RPUSD1: variants seen among roughly 807,000 people sequenced by gnomAD.
RPUSD1 encodes pseudouridylate synthase RPUSD1.
A neutral mutation model predicts 22.4 loss-of-function variants in RPUSD1; 28 were observed. That is an observed-to-expected ratio of 1.25 (90% confidence interval 0.93 to 1.72). The LOEUF is 1.72. Among genes scored for constraint, RPUSD1 ranks in the 40% most tolerant of loss-of-function variants. The pLI is 0.00. For missense variants in RPUSD1, 596 were observed against 442.2 expected (o/e 1.35, Z -3.12); for synonymous variants, 298 against 201.0 (o/e 1.48, Z -4.08).
rs1277638568 is a variant in RPUSD1, at chr16:786,929, C to G, written c.410-1G>C. ...AGGCTTGGCTTTGGGTTCTCACAAC[C>G]TGGGGCGCAGAAGGCAGGTGTGAGG... is the stretch of plus-strand genomic sequence containing the variant. On this transcript the variant is annotated splice_acceptor_variant, in intron 4 of 5. Coordinates refer to ENST00000007264, the MANE Select transcript of RPUSD1 (RefSeq NM_058192.3). LOFTEE classifies it high-confidence loss of function. 1.9e-6 allele frequency: 3 copies of G among 1,612,518 alleles called. No individual in the cohort carries two copies. In the East Asian group the frequency reaches 6.7e-5, roughly 36 times the overall value.
At chr16:787,991 A>C in intron 1 of RPUSD1, 1 of 575,490 alleles carries the variant, frequency 1.7e-6, no homozygotes, top group East Asian at 3.0e-5. Context: ...CTGGAGAAAG[A>C]GCCCGTTCCA....
rs781028754 is a variant in RPUSD1 at position 785,750 on chromosome 16, C to A, written c.*200G>T. On this transcript the variant is annotated 3_prime_UTR_variant, in exon 6 of 6. Transcript: ENST00000007264. ...ATCAGTCCCACGGCCGCGGTGCGGT[C>A]GTCACCTGTGATCACGGCTGCCTGG... The A allele has an allele frequency of 2.3e-6, 1 of 437,290 alleles. No individual in the cohort carries two copies. The highest frequency in any genetic ancestry group is 3.8e-6 in the Non-Finnish European group (1 of 260,782). 27.1% of individuals were successfully genotyped at this position (437,290 alleles called of 1,614,324 possible).
At chr16:786,472 G>T in intron 5 of RPUSD1, 95 bp from the exon 6 acceptor site, 1 of 1,295,904 alleles carries the variant, frequency 7.7e-7, no homozygotes, top group Non-Finnish European at 1.1e-6. Context: ...TGACCCCGCT[G>T]CAGTCTTGAA....
In RPUSD1 at chr16:786,901, G is replaced by A; in HGVS notation, c.437C>T (p.Thr146Ile). The change falls in exon 5 of 6, where the codon ACA becomes ATA. Residue 146 changes from threonine (T) to isoleucine (I), a missense_variant. Physicochemically the swap from Thr to Ile is moderately conservative, Grantham distance 89. Transcript: ENST00000007264. ...CCCGTGTTCCAGAACCACGAGATCT[G>A]TGAGGCTTGGCTTTGGGTTCTCACA... ...QGCENPKPSL[T>I]DLVVLEHGLY... The A allele has an allele frequency of 1.2e-6, 2 of 1,613,342 alleles. No individual in the cohort carries two copies. Among genetic ancestry groups the A allele is most frequent in the Non-Finnish European group, 1.7e-6 (2 of 1,179,932 alleles).
Position 787,081 on chromosome 16 carries a change from C to A in RPUSD1, c.405G>T (p.Ser135=), listed in dbSNP as rs111912422. 1.9e-6 allele frequency: 3 copies of A among 1,604,526 alleles called. No individual in the cohort carries two copies. Among genetic ancestry groups the A allele is most frequent in the Middle Eastern group, 1.7e-4 (1 of 6,050 alleles). Residue 135 remains serine (S), a synonymous_variant, in exon 4 of 6, where the codon TCG becomes TCT. Transcript: ENST00000007264. The stretch of plus-strand genomic sequence containing the variant: ...GTGGGTCCCTGCCTGCCACACCCTG[C>A]GAGCCCTCGATGCACATGGTGTGGG... ...GRAHTMCIEG[S]QGCENPKPSL... is the part of the protein sequence containing the mutation.
At chr16:786,409 G>A (rs370278560) in intron 5 of RPUSD1, 32 bp from the exon 6 acceptor site, 6 of 1,582,580 alleles carry the variant, frequency 3.8e-6, no homozygotes, top group South Asian at 3.4e-5. Flanking sequence ...GGATCAAGCT[G>A]GGAGCGGGGC....
In RPUSD1 at chr16:785,967, G is replaced by C. The variant is rs1167642387; in HGVS notation, c.922C>G (p.Leu308Val). The change falls in exon 6 of 6, where the codon CTG (leucine) becomes GTG (valine). Residue 308 changes from leucine to valine, a missense_variant. Coordinates refer to ENST00000007264, the MANE Select transcript of RPUSD1 (RefSeq NM_058192.3). The part of the protein sequence containing the change: ...PCLQWLSEWT[L>V]EPDS The stretch of plus-strand genomic sequence containing the variant: ...CACGGCTCTCAGCTGTCCGGTTCCA[G>C]CGTCCACTCCGACAGCCACTGCAGG... 6.9e-7 allele frequency: 1 copy of C among 1,441,340 alleles called. No homozygotes were observed. The highest frequency in any genetic ancestry group is 2.5e-5 in the East Asian group (1 of 40,052). The allele number at this position is 1,441,340 out of a possible 1,614,324, so 89.3% of individuals were successfully genotyped here. A position where few individuals can be genotyped will look rare whatever the true frequency, so the allele number is the denominator to read the frequency against.
Position 787,122 on chromosome 16 carries a change from T to C in RPUSD1, c.364A>G (p.Ser122Gly), listed in dbSNP as rs749222760. The C allele has an allele frequency of 5.7e-5, 91 of 1,607,898 alleles. No homozygotes were observed. The highest frequency in any genetic ancestry group is 7.5e-5 in the Non-Finnish European group (89 of 1,179,244). ...ATGGTGTGGGCCCGGCCCTCCGTGC[T>C]GTTCCTGCCAATGGCATGGCTGATG... ...VTISHAIGRNSTEGRAHTMCI... is the reference protein window; with the variant it reads ...VTISHAIGRNGTEGRAHTMCI... The change falls in exon 4 of 6, where the codon AGC becomes GGC. Residue 122 changes from serine (S) to glycine (G), a missense_variant. Coordinates refer to ENST00000007264, the MANE Select transcript of RPUSD1 (RefSeq NM_058192.3).
chr16:788,093 AG>A, intron 1 of RPUSD1, 162 bp downstream of exon 1: 1 of 482,554 alleles, frequency 2.1e-6, no homozygotes, highest in Non-Finnish European at 3.9e-6. Flanking sequence ...GAGGGGCTGC[AG>A]CACTACCAGG....
In RPUSD1 at chr16:787,264, A is replaced by G. The variant is rs571534726; in HGVS notation, c.307-85T>C. Reference sequence around the variant, plus strand: ...CACCTAACACCAAGCAACCACGTAGAGCGTGGTGGGAGGCTCTGAGCCAGG... The same window carrying G: ...CACCTAACACCAAGCAACCACGTAGGGCGTGGTGGGAGGCTCTGAGCCAGG... On this transcript the variant is annotated intron_variant, in intron 3 of 5. Coordinates refer to ENST00000007264, the MANE Select transcript of RPUSD1 (RefSeq NM_058192.3). 1.4e-5 allele frequency: 21 copies of G among 1,544,432 alleles called. No homozygotes were observed. In the East Asian group the frequency reaches 4.9e-4, roughly 36 times the overall value.
chr16:787,575 CAG>C lies in RPUSD1; in HGVS notation c.161_162del (p.Pro54ArgfsTer85), dbSNP rs2041991832. ...LRYRFPELAD[P>X]DTCYGFRFCH... ...CCCTACCTGAACCCGTAGCAGGTGT[CAG>C]GGTCGGCCAGCTCGGGAAAGCGGTA... On this transcript the variant is annotated frameshift_variant, in exon 2 of 6. Coordinates refer to ENST00000007264, the MANE Select transcript of RPUSD1 (RefSeq NM_058192.3). LOFTEE classifies it high-confidence loss of function. 4 of 1,611,030 alleles carry C rather than the reference CAG, an allele frequency of 2.5e-6. No individual in the cohort carries two copies. Among genetic ancestry groups the C allele is most frequent in the Non-Finnish European group, 3.4e-6 (4 of 1,179,868 alleles).
In RPUSD1 at chr16:787,100, G is replaced by C. The variant is rs1165036099; in HGVS notation, c.386C>G (p.Thr129Ser). The change falls in exon 4 of 6, where the codon ACC (threonine) becomes AGC (serine). Residue 129 changes from threonine to serine, a missense_variant. Physicochemically the swap from Thr to Ser is moderately conservative, Grantham distance 58. Coordinates refer to ENST00000007264, the MANE Select transcript of RPUSD1 (RefSeq NM_058192.3). The part of the protein sequence containing the change: ...GRNSTEGRAH[T>S]MCIEGSQGCE... Reference sequence around the variant, plus strand: ...ACCCTGCGAGCCCTCGATGCACATGGTGTGGGCCCGGCCCTCCGTGCTGTT... The same window carrying C: ...ACCCTGCGAGCCCTCGATGCACATGCTGTGGGCCCGGCCCTCCGTGCTGTT... 6.2e-7 allele frequency: 1 copy of C among 1,607,578 alleles called. No individual in the cohort carries two copies. The highest frequency in any genetic ancestry group is 1.7e-5 in the Admixed American group (1 of 59,812).
At chr16:787,252 G>C in intron 3 of RPUSD1, 73 bp from the exon 4 acceptor site, 1 of 1,550,264 alleles carries the variant, frequency 6.5e-7, no homozygotes, top group Non-Finnish European at 8.7e-7. Context: ...CTAACACCAA[G>C]CAACCACGTA....
Position 786,694 on chromosome 16 carries a change from G to A in RPUSD1, c.511+133C>T, listed in dbSNP as rs112402703. The A allele has an allele frequency of 2.6e-4, 212 of 814,744 alleles. 3 individuals carry two copies. The highest frequency in any genetic ancestry group is 2.3e-3 in the African/African-American group (135 of 59,904). 50.5% of individuals were successfully genotyped at this position (814,744 alleles called of 1,614,324 possible). On this transcript the variant is annotated intron_variant, in intron 5 of 5. Coordinates refer to ENST00000007264, the MANE Select transcript of RPUSD1 (RefSeq NM_058192.3). The stretch of plus-strand genomic sequence containing the variant: ...GTGAGAAGCTGAGAGGCTGCAGGGC[G>A]TGGAGTTAAGAACGCAGGAGTGCTT...
rs1210354073 is a variant in RPUSD1, at chr16:787,493, G to A, written c.183-16C>T. The A allele has an allele frequency of 3.1e-6, 5 of 1,590,746 alleles. No homozygotes were observed. In the Admixed American group the frequency reaches 5.2e-5, roughly 17 times the overall value. On this transcript the variant is annotated splice_polypyrimidine_tract_variant and intron_variant, in intron 2 of 5. Coordinates refer to ENST00000007264, the MANE Select transcript of RPUSD1 (RefSeq NM_058192.3). ...GTGGCAGAACCTGGAGTGGGACAGA[G>A]TCCAGAGTCTGAGCCACTTTCCTCC...
Position 786,096 on chromosome 16 carries a change from T to C in RPUSD1, c.793A>G (p.Arg265Gly), listed in dbSNP as rs760182802. Residue 265 changes from arginine (R) to glycine (G), a missense_variant, in exon 6 of 6, where the codon AGG (arginine) becomes GGG (glycine). Transcript: ENST00000007264. Reference protein sequence around the residue: ...RATPDPDPEDRGPRPGSPSAL... With the variant: ...RATPDPDPEDGGPRPGSPSAL... ...GAGGGGCTGCCTGGCCTGGGGCCCC[T>C]ATCCTCGGGGTCAGGGTCGGGGGTG... 5.7e-6 allele frequency: 9 copies of C among 1,580,330 alleles called. No individual in the cohort carries two copies. Among genetic ancestry groups the C allele is most frequent in the Non-Finnish European group, 6.9e-6 (8 of 1,159,046 alleles).
rs563986012 is a variant in RPUSD1, at chr16:785,894, C to T, written c.*56G>A. ...GCCAGTGAGCAGACGCTCGCTCGCC[C>T]ATCTCCCTAGAGTCCCGCTGTGCAG... On this transcript the variant is annotated 3_prime_UTR_variant, in exon 6 of 6. Transcript: ENST00000007264. 1 of 1,349,170 alleles carries T rather than the reference C, an allele frequency of 7.4e-7. No homozygotes were observed. Among genetic ancestry groups the T allele is most frequent in the South Asian group, 1.8e-5 (1 of 55,144 alleles). The allele number at this position is 1,349,170 out of a possible 1,614,324, so 83.6% of individuals were successfully genotyped here. A position where few individuals can be genotyped will look rare whatever the true frequency, so the allele number is the denominator to read the frequency against.
At position 786,383 on chromosome 16, in the gene RPUSD1, G is replaced by A. The variant is rs984030248; in HGVS notation, c.512-6C>T. 6.2e-7 allele frequency: 1 copy of A among 1,600,178 alleles called. No individual in the cohort carries two copies. The highest frequency in any genetic ancestry group is 1.1e-5 in the South Asian group (1 of 90,490). ...GCGCAGCTGGTGTGTCCGGCCTGCG[G>A]GATGAGGGCGGTGCCGGATCAAGCT... On this transcript the variant is annotated splice_region_variant and splice_polypyrimidine_tract_variant and intron_variant, in intron 5 of 5. Transcript: ENST00000007264.
At chr16:786,662 G>T in intron 5 of RPUSD1, 165 bp downstream of exon 5, 1 of 755,632 alleles carries the variant, frequency 1.3e-6, no homozygotes, top group Non-Finnish European at 2.3e-6. Flanking sequence ...CAGGGACCCT[G>T]TGTCAGGTGA....
Sources: gnomAD v4.1 joint callset for allele counts on GRCh38, gnomAD v4.1.1 for gene constraint, MANE v1.5 for transcripts, NCBI Gene and HGNC (gene_info 2026-07-23, HGNC 2026-07-21) for gene names.